The following MAGI3 variants were observed in gnomAD, a reference collection of about 807,000 sequenced individuals.
MAGI3 encodes membrane associated guanylate kinase, WW and PDZ domain containing 3.
Under a neutral mutation model 121.8 loss-of-function variants are expected in MAGI3, and 43 were observed. The observed-to-expected ratio is 0.35, with a 90% CI of 0.28 to 0.46. MAGI3 has a LOEUF of 0.46. MAGI3 is among the 20% of genes least tolerant of loss of function. The pLI is 1.00. For missense variants in MAGI3, 1,547 were observed against 1,797.3 expected, an observed-to-expected ratio of 0.86 and a Z score of 2.52; for synonymous variants, 553 against 639.3, an observed-to-expected ratio of 0.86 and a Z score of 2.04.
chr1:113,603,352 CCAACAACAACAA>C (rs58889419), intron 6 of MAGI3, among the ~76,000 whole-genome samples: 1 of 150,624 alleles, frequency 6.6e-6, no homozygotes, highest in Non-Finnish European at 1.5e-5. Context: ...TTAAAAATTG[CCAACAACAACAA>C]CAACAACAAC....
At chr1:113,642,713 C>A (rs1652618100) in intron 10 of MAGI3, among the ~76,000 whole-genome samples, 197 bp downstream of exon 10, 1 of 152,170 alleles carries the variant, frequency 6.6e-6, no homozygotes, top group Non-Finnish European at 1.5e-5. Context: ...TTAGTGATTT[C>A]ATTCATGTCC....
chr1:113,622,706 G>A, intron 8 of MAGI3, 100 bp from the exon 9 acceptor site: 1 of 972,242 alleles, frequency 1.0e-6, no homozygotes, highest in Non-Finnish European at 1.5e-6. Context: ...AAGAGATTAA[G>A]TTGAGAATAA....
intron 1 of MAGI3, among the ~76,000 whole-genome samples, chr1:113,415,594 C>A (rs563225971): frequency 6.6e-6 from 1 of 152,022 alleles, no homozygotes; most frequent in East Asian, 1.9e-4. Context: ...TTTAGTCGTT[C>A]CTGTTTTTTT....
chr1:113,425,273 A>ATTTTT (rs949045641), intron 1 of MAGI3, among the ~76,000 whole-genome samples: 5 of 86,862 alleles, frequency 5.8e-5, no homozygotes, highest in Non-Finnish European at 9.0e-5. Context: ...TACAAATTCA[A>ATTTTT]TTTTTTTTTT....
At chr1:113,510,465 T>C (rs1657561282) in intron 1 of MAGI3, among the ~76,000 whole-genome samples, 1 of 152,142 alleles carries the variant, frequency 6.6e-6, no homozygotes, top group African/African-American at 2.4e-5. Context: ...AATATCTGTT[T>C]GGTCTTTTCA....
chr1:113,671,671 T>C (rs1488214760), intron 16 of MAGI3, 63 bp from the exon 17 acceptor site: 3 of 1,495,988 alleles, frequency 2.0e-6, no homozygotes, highest in Admixed American at 3.5e-5. Context: ...CCTTCACAGA[T>C]CCGCTTGGCC....
chr1:113,508,954 G>GT (rs1439093513), intron 1 of MAGI3, among the ~76,000 whole-genome samples: 2 of 151,974 alleles, frequency 1.3e-5, no homozygotes, highest in African/African-American at 4.8e-5. Flanking sequence ...TTCTAAAAAT[G>GT]TGTGGGAAGA....
At position 113,683,378 on chromosome 1, in the gene MAGI3, C is replaced by A. The variant is rs1311319980; in HGVS notation, c.3810C>A (p.Thr1270=). The A allele has an allele frequency of 1.3e-5, 21 of 1,613,828 alleles. No homozygotes were observed. ...AAAATAAAAGTTGTCAGGTCAGCAC[C>A]AGGGCAGGCTCTGGACAAGATCAGT... ...KGENKSCQVS[T]RAGSGQDQCR... Residue 1270 remains threonine, a synonymous_variant, in exon 21 of 21, where the codon ACC becomes ACA. Coordinates refer to ENST00000307546, the MANE Select transcript of MAGI3 (RefSeq NM_001142782.2).
intron 6 of MAGI3, among the ~76,000 whole-genome samples, chr1:113,600,542 A>G (rs1649301871): frequency 6.6e-6 from 1 of 152,208 alleles, no homozygotes; most frequent in African/African-American, 2.4e-5. Context: ...TTCAAGGAGA[A>G]CTACAAACCA....
intron 2 of MAGI3, among the ~76,000 whole-genome samples, chr1:113,557,813 C>T (rs1228217951): frequency 6.6e-6 from 1 of 152,150 alleles, no homozygotes. Context: ...TTCGGGCTGG[C>T]AGTAGTTCAG....
chr1:113,636,327 C>G (rs1320483060), intron 9 of MAGI3, among the ~76,000 whole-genome samples: 1 of 152,098 alleles, frequency 6.6e-6, no homozygotes, highest in Non-Finnish European at 1.5e-5. Context: ...GTTAGGGTGT[C>G]AATTTTGGAT....
rs1408376837 is a variant in MAGI3, at chr1:113,580,482, T to A, written c.434-60T>A. The A allele has an allele frequency of 9.5e-6, 14 of 1,471,604 alleles. No homozygotes were observed. In the East Asian group the frequency reaches 2.5e-4, roughly 26 times the overall value. The allele number at this position is 1,471,604 out of a possible 1,614,324, so 91.2% of individuals were successfully genotyped here. On this transcript the variant is annotated intron_variant, in intron 2 of 20. Coordinates refer to ENST00000307546, the MANE Select transcript of MAGI3 (RefSeq NM_001142782.2). ...CTACAAACTGAATATTCTTTTACTT[T>A]GAATATTTTGTAAGTTTAAAAGTAC...
intron 1 of MAGI3, among the ~76,000 whole-genome samples, chr1:113,471,625 C>T (rs950687977): frequency 2.0e-5 from 3 of 151,986 alleles, no homozygotes; most frequent in East Asian, 1.9e-4. Context: ...GATACATAAA[C>T]CAGTAACATA....
Position 113,642,235 on chromosome 1 carries a change from A to G in MAGI3, c.1685A>G (p.Gln562Arg). The change falls in exon 10 of 21, where the codon CAG becomes CGG. Residue 562 changes from glutamine (Q) to arginine (R), a missense_variant. Transcript: ENST00000307546. The part of the protein sequence containing the change: ...GLNGPSDASE[Q>R]RVSMASSGSS... ...AATGGACCATCAGATGCAAGTGAGC[A>G]GAGAGTATCCATGGCATCGTCAGGC... is the stretch of plus-strand genomic sequence containing the variant. The G allele has an allele frequency of 6.2e-7, 1 of 1,614,164 alleles. No homozygotes were observed. The highest frequency in any genetic ancestry group is 8.5e-7 in the Non-Finnish European group (1 of 1,180,018).
intron 9 of MAGI3, among the ~76,000 whole-genome samples, chr1:113,631,070 G>A (rs1651599431): frequency 6.6e-6 from 1 of 152,088 alleles, no homozygotes; most frequent in African/African-American, 2.4e-5. Flanking sequence ...TGTCAGCTGA[G>A]TACAGCCTGG....
At chr1:113,649,884 A>AT (rs1653062015) in intron 13 of MAGI3, among the ~76,000 whole-genome samples, 1 of 152,232 alleles carries the variant, frequency 6.6e-6, no homozygotes, top group Non-Finnish European at 1.5e-5. Flanking sequence ...TTTGCAAAGC[A>AT]TTTGAAGTCT....
At chr1:113,437,852 TTCTTCTTCTTCC>T (rs1449780606) in intron 1 of MAGI3, among the ~76,000 whole-genome samples, 1,302 of 64,070 alleles carry the variant, frequency 0.02, 58 homozygotes, top group East Asian at 0.041. Flanking sequence ...CTTCTTCTTC[TTCTTCTTCTTCC>T]TCTTCTTCTT....
intron 1 of MAGI3, among the ~76,000 whole-genome samples, chr1:113,392,696 T>C (rs778679668): frequency 6.6e-6 from 1 of 152,164 alleles, no homozygotes; most frequent in African/African-American, 2.4e-5. Context: ...TTTCTTTTTA[T>C]TGTTGTTAAT....
intron 3 of MAGI3, among the ~76,000 whole-genome samples, chr1:113,582,730 G>A (rs1211493032): frequency 1.3e-5 from 2 of 151,828 alleles, no homozygotes; most frequent in East Asian, 3.9e-4. Flanking sequence ...AGTGGCTATA[G>A]GGACAGGAAG....
Sources: allele counts gnomAD v4.1 joint callset (sites outside exome capture counted in the v4.1 genomes callset), GRCh38; gene constraint gnomAD v4.1.1; transcripts MANE v1.5; gene names NCBI Gene and HGNC (gene_info 2026-07-23, HGNC 2026-07-21).